The following SCAPER variants were observed in gnomAD, a reference collection of about 807,000 sequenced individuals.
SCAPER encodes the protein S-phase cyclin A associated protein in the ER.
A neutral mutation model predicts 182.2 loss-of-function variants in SCAPER; 98 were observed. The observed-to-expected ratio is 0.54, with a 90% confidence interval of 0.46 to 0.64. The LOEUF (loss-of-function observed/expected upper bound fraction) is 0.64. Ranked by LOEUF, SCAPER falls within the 30% of genes least tolerant of loss-of-function variation. SCAPER has a pLI of 0.00. For synonymous variants in SCAPER, 605 were observed against 564.6 expected, an observed-to-expected ratio of 1.07 and a Z score of -1.01; for missense variants, 1,432 against 1,690.0, an observed-to-expected ratio of 0.85 and a Z score of 2.68.
chr15:76,881,348 G>A (rs1246518954), intron 2 of SCAPER, among the ~76,000 whole-genome samples: 6 of 152,140 alleles, frequency 3.9e-5, no homozygotes, highest in Non-Finnish European at 5.9e-5. Context: ...CAACTGGCTC[G>A]GCCTTCCAAA....
intron 14 of SCAPER, among the ~76,000 whole-genome samples, chr15:76,763,073 G>A (rs147411521): frequency 2.0e-5 from 3 of 152,068 alleles, no homozygotes; most frequent in Non-Finnish European, 2.9e-5. Context: ...TCCTTCATAC[G>A]CTTTTACATT....
chr15:76,705,781 A>G (rs1049836258), intron 18 of SCAPER, 122 bp downstream of exon 18: 2 of 653,830 alleles, frequency 3.1e-6, no homozygotes, highest in Non-Finnish European at 4.9e-6. Context: ...GCAAAATCAT[A>G]TAAGCTTTGT....
At chr15:76,496,510 T>C (rs2040560658) in intron 24 of SCAPER, among the ~76,000 whole-genome samples, 1 of 152,210 alleles carries the variant, frequency 6.6e-6, no homozygotes, top group Non-Finnish European at 1.5e-5. Flanking sequence ...TATATTTTCT[T>C]TTCTTTGATT....
At position 76,900,260 on chromosome 15, in the gene SCAPER, T is replaced by C. The variant is rs564010988; in HGVS notation, c.-60+5039A>G. ...AGAGACCTTTGTTCTCGTGTTTATC[T>C]GCTGACCTTCTCTCCACTATTATCC... On this transcript the variant is annotated intron_variant, in intron 1 of 31. Transcript: ENST00000563290. 7.7e-3 allele frequency among the ~76,000 whole-genome samples: 1,161 copies of C among 151,058 alleles called. 9 individuals carry two copies. Among genetic ancestry groups the C allele is most frequent in the African/African-American group, 0.027 (1,100 of 41,054 alleles).
intron 24 of SCAPER, 51 bp from the exon 25 acceptor site, chr15:76,471,386 A>G: frequency 6.5e-7 from 1 of 1,535,594 alleles, no homozygotes; most frequent in South Asian, 1.3e-5. Flanking sequence ...GCTCTTCTTT[A>G]AACAATTAAA....
At chr15:76,623,295 G>A (rs2052267875) in intron 21 of SCAPER, among the ~76,000 whole-genome samples, 1 of 152,128 alleles carries the variant, frequency 6.6e-6, no homozygotes, top group Non-Finnish European at 1.5e-5. Context: ...TTGCTTTTGA[G>A]GACTTAGTCA....
chr15:76,393,680 G>A (rs1341906591), intron 27 of SCAPER, among the ~76,000 whole-genome samples: 1 of 152,218 alleles, frequency 6.6e-6, no homozygotes, highest in African/African-American at 2.4e-5. Context: ...GAAGCTGGAT[G>A]GAACTTCATG....
At chr15:76,568,395 G>A (rs1019771188) in intron 23 of SCAPER, among the ~76,000 whole-genome samples, 2 of 151,634 alleles carry the variant, frequency 1.3e-5, no homozygotes, top group African/African-American at 4.9e-5. Context: ...TCTCTGTGTC[G>A]CCCAGGCTGG....
chr15:76,525,161 C>T (rs1220404570), intron 23 of SCAPER, among the ~76,000 whole-genome samples: 1 of 151,940 alleles, frequency 6.6e-6, no homozygotes, highest in Non-Finnish European at 1.5e-5. Context: ...AATTCTTGGT[C>T]TAAAACACAA....
chr15:76,509,875 C>G (rs780423036), intron 23 of SCAPER, among the ~76,000 whole-genome samples: 5 of 152,140 alleles, frequency 3.3e-5, no homozygotes, highest in Non-Finnish European at 7.4e-5. Flanking sequence ...TAAAAATGGG[C>G]ACACAGACCA....
At chr15:76,397,474 CTTTTTTTTTTTT>C (rs71143321) in intron 27 of SCAPER, among the ~76,000 whole-genome samples, 1 of 71,540 alleles carries the variant, frequency 1.4e-5, no homozygotes, top group Non-Finnish European at 2.5e-5. Context: ...TATTGGCAGA[CTTTTTTTTTTTT>C]TTTTTTTTTT....
intron 27 of SCAPER, among the ~76,000 whole-genome samples, chr15:76,387,326 G>A (rs1001053624): frequency 1.3e-5 from 2 of 152,200 alleles, no homozygotes; most frequent in African/African-American, 2.4e-5. Flanking sequence ...CAGTGGATTG[G>A]AAGTTGTGTG....
At chr15:76,649,896 G>T (rs2054879015) in intron 21 of SCAPER, among the ~76,000 whole-genome samples, 1 of 152,022 alleles carries the variant, frequency 6.6e-6, no homozygotes, top group Non-Finnish European at 1.5e-5. Flanking sequence ...GAAAGAAAAT[G>T]ACACCACATA....
chr15:76,682,842 G>A (rs2057808796), intron 20 of SCAPER, among the ~76,000 whole-genome samples: 1 of 151,878 alleles, frequency 6.6e-6, no homozygotes, highest in Non-Finnish European at 1.5e-5. Flanking sequence ...TCAGCCAACT[G>A]AGCCCACCTT....
intron 23 of SCAPER, among the ~76,000 whole-genome samples, chr15:76,558,557 T>G (rs2046357766): frequency 6.6e-6 from 1 of 152,186 alleles, no homozygotes; most frequent in Non-Finnish European, 1.5e-5. Flanking sequence ...GAAAAGGGAT[T>G]GCTTATATAC....
chr15:76,541,737 A>G (rs2144757390), intron 23 of SCAPER, among the ~76,000 whole-genome samples: 1 of 152,320 alleles, frequency 6.6e-6, no homozygotes, highest in Admixed American at 6.5e-5. Context: ...TAGAAAAAGA[A>G]AAAAATACTC....
intron 23 of SCAPER, among the ~76,000 whole-genome samples, chr15:76,526,945 C>T (rs1252079947): frequency 6.6e-6 from 1 of 151,850 alleles, no homozygotes; most frequent in Non-Finnish European, 1.5e-5. Flanking sequence ...GATCTTGGCT[C>T]ACTGCAACCT....
At chr15:76,568,999 A>G (rs538884941) in intron 23 of SCAPER, among the ~76,000 whole-genome samples, 4 of 152,162 alleles carry the variant, frequency 2.6e-5, no homozygotes, top group East Asian at 3.9e-4. Flanking sequence ...TATATATAAC[A>G]TATCATTTGC....
At chr15:76,357,414 T>A (rs2041063450) in intron 29 of SCAPER, among the ~76,000 whole-genome samples, 1 of 152,118 alleles carries the variant, frequency 6.6e-6, no homozygotes, top group South Asian at 2.1e-4. Flanking sequence ...TGAGATACCA[T>A]CTTACACCAA....
Sources: allele counts gnomAD v4.1 joint callset (sites outside exome capture counted in the v4.1 genomes callset), GRCh38; gene constraint gnomAD v4.1.1; transcripts MANE v1.5; gene names NCBI Gene and HGNC (gene_info 2026-07-23, HGNC 2026-07-21).